The following RALYL variants were observed in gnomAD, a reference collection of about 807,000 sequenced individuals.
RALYL encodes RNA-binding Raly-like protein.
RALYL carries 29 observed loss-of-function variants against 35.1 expected under a neutral mutation model. The observed-to-expected ratio is 0.83, with a 90% CI of 0.61 to 1.13. The LOEUF (loss-of-function observed/expected upper bound fraction) is 1.13, where lower values mean the gene tolerates loss of function less well. RALYL is among the 50% of genes most tolerant of loss of function. RALYL has a pLI of 0.00. For missense variants in RALYL, 359 were observed against 360.4 expected, an observed-to-expected ratio of 1.00 and a Z score of 0.03; for synonymous variants, 120 against 127.6, an observed-to-expected ratio of 0.94 and a Z score of 0.40.
intron 1 of RALYL, among the ~76,000 whole-genome samples, chr8:84,265,169 T>C (rs1270702021): frequency 6.6e-6 from 1 of 152,218 alleles, no homozygotes. Flanking sequence ...CCTAAAGTTG[T>C]CTGTACCCTA....
chr8:84,715,505 A>T (rs1842830244), intron 2 of RALYL, among the ~76,000 whole-genome samples: 1 of 152,010 alleles, frequency 6.6e-6, no homozygotes, highest in Non-Finnish European at 1.5e-5. Context: ...TTTTACCAAT[A>T]TCCCTACCCT....
At chr8:84,263,461 A>G (rs1832682965) in intron 1 of RALYL, among the ~76,000 whole-genome samples, 1 of 152,220 alleles carries the variant, frequency 6.6e-6, no homozygotes, top group African/African-American at 2.4e-5. Flanking sequence ...AGTATAATGT[A>G]TAAAAAATCT....
At chr8:84,793,504 G>T (rs1490314478) in intron 3 of RALYL, among the ~76,000 whole-genome samples, 1 of 152,168 alleles carries the variant, frequency 6.6e-6, no homozygotes, top group Non-Finnish European at 1.5e-5. Context: ...TTGGTGTTAT[G>T]GCTTGATCCT....
intron 3 of RALYL, among the ~76,000 whole-genome samples, chr8:84,804,479 TAC>T (rs1391137635): frequency 1.3e-5 from 2 of 152,198 alleles, no homozygotes; most frequent in East Asian, 3.8e-4. Context: ...AATGAGTAGA[TAC>T]AGAGAGTGCA....
chr8:84,184,820 CCGTCGGGCGGGCTAGAGGGGACCCT>C, intron 1 of RALYL: 1 of 655,310 alleles, frequency 1.5e-6, no homozygotes, highest in East Asian at 2.8e-5. Context: ...GTGGCGCTGG[CCGTCGGGCGGGCTAGAGGGGACCCT>C]CAGAGCACCC....
At chr8:84,405,494 CAT>C (rs1260055138) in intron 1 of RALYL, among the ~76,000 whole-genome samples, 1 of 151,970 alleles carries the variant, frequency 6.6e-6, no homozygotes, top group African/African-American at 2.4e-5. Context: ...AGAGAAGAAT[CAT>C]ATAGACACAA....
chr8:84,769,992 A>G (rs186289590), intron 2 of RALYL, among the ~76,000 whole-genome samples: 11 of 151,444 alleles, frequency 7.3e-5, no homozygotes, highest in Middle Eastern at 6.8e-3. Flanking sequence ...CACTTTTTCT[A>G]CTCCTTTAGA....
chr8:84,593,971 C>T (rs182580316), intron 2 of RALYL, among the ~76,000 whole-genome samples: 1 of 152,170 alleles, frequency 6.6e-6, no homozygotes, highest in East Asian at 1.9e-4. Flanking sequence ...ACTATTTCTT[C>T]ACTGCCTCAC....
intron 2 of RALYL, among the ~76,000 whole-genome samples, chr8:84,637,662 G>A (rs1825361140): frequency 6.6e-6 from 1 of 151,860 alleles, no homozygotes; most frequent in Non-Finnish European, 1.5e-5. Context: ...TCAGTACAAG[G>A]TCTGCATATC....
intron 3 of RALYL, among the ~76,000 whole-genome samples, chr8:84,796,733 G>A (rs1822006212): frequency 6.7e-6 from 1 of 149,734 alleles, no homozygotes; most frequent in African/African-American, 2.5e-5. Context: ...ATCAAAACAA[G>A]ATTTCTATAA....
intron 1 of RALYL, among the ~76,000 whole-genome samples, chr8:84,271,769 A>T (rs563428362): frequency 6.6e-6 from 1 of 152,264 alleles, no homozygotes; most frequent in East Asian, 1.9e-4. Flanking sequence ...TTCCACTTAC[A>T]TGGAAGTTTT....
chr8:84,281,058 A>G (rs539051855), intron 1 of RALYL, among the ~76,000 whole-genome samples: 1 of 152,276 alleles, frequency 6.6e-6, no homozygotes, highest in South Asian at 2.1e-4. Flanking sequence ...GCTGATAGCT[A>G]TGCAGCACTT....
At chr8:84,617,092 T>A (rs1419725500) in intron 2 of RALYL, among the ~76,000 whole-genome samples, 2 of 150,632 alleles carry the variant, frequency 1.3e-5, no homozygotes, top group Non-Finnish European at 2.9e-5. Context: ...TTTGGTTCCA[T>A]ATGAACTTTA....
intron 1 of RALYL, among the ~76,000 whole-genome samples, chr8:84,517,688 G>A (rs765318069): frequency 2.4e-4 from 37 of 152,100 alleles, no homozygotes; most frequent in Admixed American, 4.6e-4. Flanking sequence ...GATGTAAAAC[G>A]TCCTTGGATA....
intron 1 of RALYL, among the ~76,000 whole-genome samples, chr8:84,425,370 C>T (rs564067618): frequency 4.5e-4 from 69 of 152,300 alleles, no homozygotes; most frequent in African/African-American, 1.2e-3. Context: ...TGACCCCTTG[C>T]GCTTCCCAGG....
At position 84,426,847 on chromosome 8, in the gene RALYL, G is replaced by A. The variant is rs116972225; in HGVS notation, c.-23-102452G>A. Among the ~76,000 whole-genome samples the A allele has an allele frequency of 2.0e-5, 3 of 152,236 alleles. No individual in the cohort carries two copies. The East Asian group carries it at 5.8e-4, about 29-fold the overall frequency. On this transcript the variant is annotated intron_variant, in intron 1 of 8. Coordinates refer to ENST00000521268, the MANE Select transcript of RALYL (RefSeq NM_173848.7). The stretch of plus-strand genomic sequence containing the variant: ...ATGTGGGAAAAGGGAACTCTTGCAT[G>A]CTGTTGGTGGCAATGAAGATTGGTA...
chr8:84,763,244 A>G (rs1384605639), intron 2 of RALYL, among the ~76,000 whole-genome samples: 1 of 152,198 alleles, frequency 6.6e-6, no homozygotes, highest in Non-Finnish European at 1.5e-5. Flanking sequence ...ACAAGAAAAG[A>G]AATACCAAAA....
intron 1 of RALYL, among the ~76,000 whole-genome samples, chr8:84,419,286 C>G (rs1437748262): frequency 6.6e-6 from 1 of 152,102 alleles, no homozygotes; most frequent in Non-Finnish European, 1.5e-5. Context: ...CTTAAGTTTT[C>G]TTGAGCCTTT....
chr8:84,753,900 C>A (rs1265222643), intron 2 of RALYL, among the ~76,000 whole-genome samples: 1 of 152,074 alleles, frequency 6.6e-6, no homozygotes, highest in Non-Finnish European at 1.5e-5. Flanking sequence ...TGATGATGAG[C>A]ATTTTTTCAT....
Sources: allele counts gnomAD v4.1 joint callset (sites outside exome capture counted in the v4.1 genomes callset), GRCh38; gene constraint gnomAD v4.1.1; transcripts MANE v1.5; gene names NCBI Gene and HGNC (gene_info 2026-07-23, HGNC 2026-07-21).